F13A1: variants seen among roughly 807,000 people sequenced by gnomAD.
F13A1 encodes the protein FSF, A subunit.
F13A1 carries 47 observed loss-of-function variants against 80.1 expected under a neutral mutation model. The ratio of observed to expected loss-of-function variants is 0.59; its 90% CI spans 0.46 to 0.75. The LOEUF (loss-of-function observed/expected upper bound fraction) is 0.75. Ranked by LOEUF, F13A1 falls within the 30% of genes least tolerant of loss-of-function variation. The pLI is 0.00. For synonymous variants in F13A1, 349 were observed against 344.9 expected (o/e 1.01, Z -0.13); for missense variants, 817 against 930.4 (o/e 0.88, Z 1.59).
intron 3 of F13A1, among the ~76,000 whole-genome samples, chr6:6,303,466 T>A (rs1475470646): frequency 6.6e-6 from 1 of 152,200 alleles, no homozygotes; most frequent in Non-Finnish European, 1.5e-5. Context: ...TGTGATGTTT[T>A]GATCAAAATA....
At chr6:6,186,617 T>G (rs1429757797) in intron 10 of F13A1, among the ~76,000 whole-genome samples, 2 of 152,260 alleles carry the variant, frequency 1.3e-5, no homozygotes, top group African/African-American at 4.8e-5. Context: ...GCTGTTTTGG[T>G]GACCGTAGCC....
intron 3 of F13A1, among the ~76,000 whole-genome samples, chr6:6,278,276 C>T (rs1758015170): frequency 6.6e-6 from 1 of 152,092 alleles, no homozygotes; most frequent in Non-Finnish European, 1.5e-5. Context: ...CAAACGGAGA[C>T]AAGTGCTATG....
At chr6:6,181,059 C>T (rs1376299997) in intron 11 of F13A1, among the ~76,000 whole-genome samples, 2 of 152,192 alleles carry the variant, frequency 1.3e-5, no homozygotes, top group East Asian at 1.9e-4. Context: ...CTGCTGGCCT[C>T]GGGCAGCTTT....
At chr6:6,184,171 C>A (rs1447112110) in intron 10 of F13A1, among the ~76,000 whole-genome samples, 2 of 152,300 alleles carry the variant, frequency 1.3e-5, no homozygotes, top group Admixed American at 6.5e-5. Flanking sequence ...CAACAACAAG[C>A]CTGTGAGGTA....
chr6:6,230,056 G>C (rs6921887), intron 6 of F13A1, among the ~76,000 whole-genome samples: 4,218 of 152,288 alleles, frequency 0.028, 209 homozygotes, highest in African/African-American at 0.096. Context: ...ATCTCTAGCT[G>C]AACTTTGTAG....
chr6:6,214,801 AAAG>A (rs1160271367), intron 8 of F13A1, among the ~76,000 whole-genome samples: 1 of 54,566 alleles, frequency 1.8e-5, no homozygotes, highest in Non-Finnish European at 3.6e-5. Context: ...ATAAAGAAAA[AAAG>A]AGAGAAGAAT....
intron 8 of F13A1, among the ~76,000 whole-genome samples, chr6:6,206,872 T>C (rs1761498530): frequency 6.6e-6 from 1 of 150,460 alleles, no homozygotes; most frequent in African/African-American, 2.5e-5. Context: ...CCAAAAATAT[T>C]CTTACAAAAT....
intron 3 of F13A1, among the ~76,000 whole-genome samples, chr6:6,293,138 C>A (rs1043480801): frequency 6.6e-6 from 1 of 152,076 alleles, no homozygotes; most frequent in African/African-American, 2.4e-5. Context: ...GACCTGGACA[C>A]CCCCAGGTTC....
intron 3 of F13A1, among the ~76,000 whole-genome samples, chr6:6,284,362 T>C (rs950135704): frequency 6.6e-6 from 1 of 152,220 alleles, no homozygotes; most frequent in Admixed American, 6.5e-5. Context: ...CTTAGAAATA[T>C]GTTGCACAAA....
chr6:6,252,428 G>C (rs1757646051), intron 4 of F13A1, among the ~76,000 whole-genome samples: 1 of 152,178 alleles, frequency 6.6e-6, no homozygotes, highest in South Asian at 2.1e-4. Context: ...TATGTATACT[G>C]TATATATGTC....
chr6:6,239,503 G>A (rs1286732779), intron 6 of F13A1, among the ~76,000 whole-genome samples: 1 of 152,018 alleles, frequency 6.6e-6, no homozygotes, highest in Admixed American at 6.6e-5. Context: ...GTAATGAATA[G>A]TATGAAGCAT....
chr6:6,292,895 A>G (rs1017599789), intron 3 of F13A1, among the ~76,000 whole-genome samples: 5 of 152,198 alleles, frequency 3.3e-5, no homozygotes, highest in African/African-American at 1.2e-4. Context: ...TCCTCTGAAG[A>G]GACTGGAAAA....
chr6:6,306,400 T>G (rs1758513134), intron 2 of F13A1, among the ~76,000 whole-genome samples: 1 of 152,238 alleles, frequency 6.6e-6, no homozygotes, highest in Non-Finnish European at 1.5e-5. Flanking sequence ...ACACTAATAT[T>G]CATTTCATAG....
chr6:6,171,978 C>G (rs1760783320), intron 12 of F13A1, among the ~76,000 whole-genome samples: 2 of 152,186 alleles, frequency 1.3e-5, no homozygotes, highest in Non-Finnish European at 2.9e-5. Flanking sequence ...CCCCGTTTTC[C>G]TTAACCTGCT....
At chr6:6,237,503 T>C (rs891594427) in intron 6 of F13A1, among the ~76,000 whole-genome samples, 4 of 152,142 alleles carry the variant, frequency 2.6e-5, no homozygotes, top group African/African-American at 9.7e-5. Context: ...AACAAGCTGT[T>C]TTCTGCCTTG....
chr6:6,303,404 A>T (rs553545779), intron 3 of F13A1, among the ~76,000 whole-genome samples: 1 of 152,176 alleles, frequency 6.6e-6, no homozygotes, highest in Non-Finnish European at 1.5e-5. Flanking sequence ...AAAATTGACA[A>T]TCATAATTGT....
chr6:6,266,959 T>C, intron 3 of F13A1, 150 bp from the exon 4 acceptor site: 1 of 1,154,232 alleles, frequency 8.7e-7, no homozygotes. Flanking sequence ...AGTCTGCAAA[T>C]TACTTTGATT....
intron 13 of F13A1, among the ~76,000 whole-genome samples, chr6:6,155,930 T>C (rs1760467853): frequency 6.6e-6 from 1 of 152,250 alleles, no homozygotes; most frequent in Non-Finnish European, 1.5e-5. Context: ...TTCACAGTCA[T>C]ATTTTTCATT....
At chr6:6,184,563 A>C (rs1014584594) in intron 10 of F13A1, among the ~76,000 whole-genome samples, 1 of 152,236 alleles carries the variant, frequency 6.6e-6, no homozygotes, top group African/African-American at 2.4e-5. Flanking sequence ...GGAAGCTTTA[A>C]ATGAGCTGTC....
Sources: allele counts gnomAD v4.1 joint callset (sites outside exome capture counted in the v4.1 genomes callset), GRCh38; gene constraint gnomAD v4.1.1; transcripts MANE v1.5; gene names NCBI Gene and HGNC (gene_info 2026-07-23, HGNC 2026-07-21).